The following PDE11A variants were observed in gnomAD, a reference collection of about 807,000 sequenced individuals.
PDE11A encodes phosphodiesterase 11A, also known as dual 3',5'-cyclic-AMP and -GMP phosphodiesterase 11A.
Under a neutral mutation model 100.5 loss-of-function variants are expected in PDE11A, and 100 were observed. The ratio of observed to expected loss-of-function variants is 1.00; its 90% CI spans 0.85 to 1.18. PDE11A has a LOEUF of 1.18. Ranked by LOEUF, PDE11A falls within the 50% of genes most tolerant of loss-of-function variation. The probability of loss-of-function intolerance (pLI) is 0.00; values close to 1 mark genes in which losing one functional copy is unlikely to be tolerated. For missense variants in PDE11A, 1,141 were observed against 1,152.6 expected, an observed-to-expected ratio of 0.99 and a Z score of 0.15; for synonymous variants, 381 against 420.8, an observed-to-expected ratio of 0.91 and a Z score of 1.16.
At chr2:178,038,233 A>G (rs1348825194) in intron 1 of PDE11A, among the ~76,000 whole-genome samples, 3 of 152,080 alleles carry the variant, frequency 2.0e-5, no homozygotes, top group Non-Finnish European at 4.4e-5. Flanking sequence ...GAATATAACT[A>G]TCACCCCCAC....
In PDE11A at chr2:177,899,902, AT is replaced by A. The variant is rs561188153; in HGVS notation, c.1162-1705del. ...ATATATCAGGAAAGAAAACACATTA[AT>A]TTTTTTTTAAAACAGCAGAATGAAA... On this transcript the variant is annotated intron_variant, in intron 3 of 19. Transcript: ENST00000286063. Among the ~76,000 whole-genome samples, 42 of 150,748 alleles carry A rather than the reference AT, an allele frequency of 2.8e-4. 1 individual carries two copies. Among genetic ancestry groups the A allele is most frequent in the South Asian group, 1.7e-3 (8 of 4,788 alleles).
At chr2:177,713,068 G>A (rs1241171538) in intron 12 of PDE11A, among the ~76,000 whole-genome samples, 1 of 152,044 alleles carries the variant, frequency 6.6e-6, no homozygotes, top group Non-Finnish European at 1.5e-5. Context: ...GAGTGCAATG[G>A]CACCATCTCG....
chr2:177,928,535 T>C (rs2085162391), intron 2 of PDE11A, among the ~76,000 whole-genome samples: 1 of 152,194 alleles, frequency 6.6e-6, no homozygotes. Context: ...GAGAGAACTG[T>C]AGAAAACTAA....
chr2:177,652,729 T>A (rs1332163649), intron 19 of PDE11A, among the ~76,000 whole-genome samples: 1 of 152,152 alleles, frequency 6.6e-6, no homozygotes, highest in Non-Finnish European at 1.5e-5. Context: ...ATGGCACAGC[T>A]AGAAACTAAT....
At chr2:177,785,229 G>A (rs1314481792) in intron 9 of PDE11A, among the ~76,000 whole-genome samples, 1 of 152,082 alleles carries the variant, frequency 6.6e-6, no homozygotes, top group Non-Finnish European at 1.5e-5. Flanking sequence ...GCCAGAGCAA[G>A]TTACAGCACT....
intron 7 of PDE11A, among the ~76,000 whole-genome samples, chr2:177,818,134 T>A (rs1164485976): frequency 6.6e-6 from 1 of 152,080 alleles, no homozygotes; most frequent in Non-Finnish European, 1.5e-5. Flanking sequence ...TTAGACTAGA[T>A]CTCAGTAGTT....
chr2:177,687,402 A>C (rs990890656), intron 15 of PDE11A: 2 of 152,200 alleles, frequency 1.3e-5, no homozygotes, highest in Admixed American at 6.5e-5. Flanking sequence ...TGTGTTTTAA[A>C]AGTTTATACA....
intron 1 of PDE11A, among the ~76,000 whole-genome samples, chr2:178,040,760 C>T (rs548139059): frequency 6.6e-6 from 1 of 152,298 alleles, no homozygotes; most frequent in Admixed American, 6.5e-5. Context: ...TTTGACATTA[C>T]CATTTATTAC....
chr2:178,057,129 C>T (rs868055446), intron 1 of PDE11A, among the ~76,000 whole-genome samples: 9 of 152,154 alleles, frequency 5.9e-5, no homozygotes, highest in African/African-American at 2.2e-4. Flanking sequence ...TTCCTTTGAG[C>T]TTTGGAGCAT....
Position 177,993,466 on chromosome 2 carries a change from A to C in PDE11A, c.1071+20836T>G, listed in dbSNP as rs372559646. ...TAAGATTTTCATATATTCAGTGTGC[A>C]TGGTTCTTAAAATTTTTCTGTAAGG... is the stretch of plus-strand genomic sequence containing the variant. On this transcript the variant is annotated intron_variant, in intron 2 of 19. Coordinates refer to ENST00000286063, the MANE Select transcript of PDE11A (RefSeq NM_016953.4). 2.5e-4 allele frequency among the ~76,000 whole-genome samples: 38 copies of C among 152,296 alleles called. No individual in the cohort carries two copies. The South Asian group carries it at 5.8e-3, about 23-fold the overall frequency.
intron 2 of PDE11A, among the ~76,000 whole-genome samples, chr2:178,008,874 A>G (rs1029458977): frequency 2.0e-5 from 3 of 152,166 alleles, no homozygotes; most frequent in Admixed American, 2.0e-4. Flanking sequence ...GCAGCAGGGT[A>G]ACCAAACACT....
At chr2:177,747,675 C>G (rs1294386378) in intron 10 of PDE11A, among the ~76,000 whole-genome samples, 8 of 152,208 alleles carry the variant, frequency 5.3e-5, no homozygotes, top group African/African-American at 1.9e-4. Flanking sequence ...GCTGAAGTTT[C>G]CATTTTGAAT....
At chr2:178,002,124 A>T (rs1342974479) in intron 2 of PDE11A, among the ~76,000 whole-genome samples, 1 of 152,070 alleles carries the variant, frequency 6.6e-6, no homozygotes, top group Admixed American at 6.6e-5. Context: ...TATGTCCATG[A>T]TCAACCAATG....
At position 177,838,679 on chromosome 2, in the gene PDE11A, T is replaced by C. The variant is rs149407163; in HGVS notation, c.1500+1572A>G. Among the ~76,000 whole-genome samples the C allele has an allele frequency of 1.2e-3, 190 of 152,312 alleles. 2 individuals carry two copies. The highest frequency in any genetic ancestry group is 4.2e-3 in the African/African-American group (176 of 41,568). Reference sequence around the variant, plus strand: ...GGTTGCATGACCGTTTGGAGTTCGATGGCCTACAGGGGAGAAGAGACTAAC... The same window carrying C: ...GGTTGCATGACCGTTTGGAGTTCGACGGCCTACAGGGGAGAAGAGACTAAC... On this transcript the variant is annotated intron_variant, in intron 6 of 19. Coordinates refer to ENST00000286063, the MANE Select transcript of PDE11A (RefSeq NM_016953.4).
At chr2:177,725,310 G>T (rs891332617) in intron 12 of PDE11A, among the ~76,000 whole-genome samples, 1 of 152,068 alleles carries the variant, frequency 6.6e-6, no homozygotes, top group Admixed American at 6.6e-5. Context: ...AGATACTTAC[G>T]TTAGAGAGAA....
intron 19 of PDE11A, among the ~76,000 whole-genome samples, chr2:177,659,668 T>C (rs2080444745): frequency 6.6e-6 from 1 of 152,232 alleles, no homozygotes; most frequent in African/African-American, 2.4e-5. Context: ...CTTAGCTTGC[T>C]ATTGCAGACA....
intron 2 of PDE11A, among the ~76,000 whole-genome samples, chr2:177,915,860 C>G (rs2084944310): frequency 1.3e-5 from 2 of 152,134 alleles, no homozygotes; most frequent in Non-Finnish European, 2.9e-5. Flanking sequence ...AGGAGTGTTT[C>G]CCTTCATTTG....
rs184674240 is a variant in PDE11A, at chr2:177,943,951, G to A, written c.1072-38764C>T. ...CTCATTCTTTGCATGTCGATGTTCA[G>A]TTTTCCCAGCACAACTTATTGATGG... On this transcript the variant is annotated intron_variant, in intron 2 of 19. Transcript: ENST00000286063. 6.3e-4 allele frequency among the ~76,000 whole-genome samples: 96 copies of A among 152,274 alleles called. 1 individual carries two copies. The highest frequency in any genetic ancestry group is 2.2e-3 in the African/African-American group (92 of 41,556).
chr2:177,910,898 G>A (rs1225642576), intron 2 of PDE11A, among the ~76,000 whole-genome samples: 1 of 152,186 alleles, frequency 6.6e-6, no homozygotes, highest in East Asian at 1.9e-4. Context: ...ATACATCATT[G>A]AAGAATGCCG....
Sources: gnomAD v4.1 joint callset for allele counts (sites outside exome capture counted in the v4.1 genomes callset) on GRCh38, gnomAD v4.1.1 for gene constraint, MANE v1.5 for transcripts, NCBI Gene and HGNC (gene_info 2026-07-23, HGNC 2026-07-21) for gene names.